NCOA2: variants seen among roughly 807,000 people sequenced by gnomAD.
The protein encoded by NCOA2 is class E basic helix-loop-helix protein 75.
NCOA2 carries 21 observed loss-of-function variants against 145.1 expected under a neutral mutation model. The observed-to-expected ratio is 0.14, with a 90% confidence interval of 0.10 to 0.21. The LOEUF (loss-of-function observed/expected upper bound fraction) is 0.21. Among genes scored for constraint, NCOA2 ranks in the 10% least tolerant of loss-of-function variants. NCOA2 has a pLI of 1.00. For synonymous variants in NCOA2, 619 were observed against 637.5 expected (o/e 0.97, Z 0.44); for missense variants, 1,472 against 1,837.6 (o/e 0.80, Z 3.64).
chr8:70,306,738 G>C lies in NCOA2; in HGVS notation c.-76-9938C>G, dbSNP rs143688800. The stretch of plus-strand genomic sequence containing the variant: ...TACAAAAAATACAAAAATTAGCCAG[G>C]TGTGGTGGCGCGTGCCTGCAGTCCC... On this transcript the variant is annotated intron_variant, in intron 1 of 22. Transcript: ENST00000452400. Among the ~76,000 whole-genome samples, 1,373 of 152,206 alleles carry C rather than the reference G, an allele frequency of 9.0e-3. 7 individuals are homozygous for C. Among genetic ancestry groups the C allele is most frequent in the Non-Finnish European group, 0.015 (1,050 of 67,974 alleles).
chr8:70,366,734 A>C (rs2131153490), intron 1 of NCOA2, among the ~76,000 whole-genome samples: 1 of 145,068 alleles, frequency 6.9e-6, no homozygotes, highest in East Asian at 2.2e-4. Flanking sequence ...TTAAGCAGCC[A>C]TTGGCTTTAA....
chr8:70,355,892 ATACTTC>A (rs1809642991), intron 1 of NCOA2, among the ~76,000 whole-genome samples: 1 of 152,216 alleles, frequency 6.6e-6, no homozygotes, highest in South Asian at 2.1e-4. Context: ...TCATTTTCTC[ATACTTC>A]TACTTATATA....
chr8:70,273,456 A>T (rs1013527601), intron 2 of NCOA2: 1 of 634,816 alleles, frequency 1.6e-6, no homozygotes, highest in Admixed American at 2.5e-5. Flanking sequence ...CACAGAAAGA[A>T]GGTGGTTCAC....
chr8:70,355,311 G>C (rs1809583038), intron 1 of NCOA2, among the ~76,000 whole-genome samples: 1 of 152,198 alleles, frequency 6.6e-6, no homozygotes, highest in Non-Finnish European at 1.5e-5. Flanking sequence ...AGGAAGCACA[G>C]TTACGAGTCC....
chr8:70,215,465 G>A (rs915136932), intron 3 of NCOA2, among the ~76,000 whole-genome samples: 1 of 152,156 alleles, frequency 6.6e-6, no homozygotes, highest in African/African-American at 2.4e-5. Flanking sequence ...GGAAGTAGTA[G>A]GGAACCTAGA....
chr8:70,398,725 AAC>A (rs1325407305), intron 1 of NCOA2, among the ~76,000 whole-genome samples: 5 of 152,316 alleles, frequency 3.3e-5, no homozygotes, highest in Admixed American at 6.5e-5. Flanking sequence ...AGCTATGTAA[AAC>A]ACCACCATAG....
chr8:70,140,550 C>T (rs1395043444), intron 14 of NCOA2, among the ~76,000 whole-genome samples: 16 of 145,928 alleles, frequency 1.1e-4, no homozygotes, highest in African/African-American at 4.1e-4. Flanking sequence ...TGATATTGTT[C>T]TGATGATCAC....
At chr8:70,147,125 C>CATGT (rs1554573873) in intron 12 of NCOA2, among the ~76,000 whole-genome samples, 9 of 145,324 alleles carry the variant, frequency 6.2e-5, no homozygotes, top group African/African-American at 2.4e-4. Context: ...CGCGCGCGCG[C>CATGT]GCGTGTGTGT....
chr8:70,214,303 G>A (rs4738077), intron 3 of NCOA2, among the ~76,000 whole-genome samples: 91,000 of 152,000 alleles, frequency 0.6, 29,007 homozygotes, highest in Non-Finnish European at 0.72. Context: ...TGTGTTTGGC[G>A]TCTCCCACTG....
chr8:70,405,327 G>T (rs925458749), upstream of NCOA2, among the ~76,000 whole-genome samples: 1 of 151,718 alleles, frequency 6.6e-6, no homozygotes, highest in Non-Finnish European at 1.5e-5. Context: ...AAATGTTAGC[G>T]CTGGGGAGTG....
chr8:70,340,930 G>C (rs979714766), intron 1 of NCOA2, among the ~76,000 whole-genome samples: 1 of 152,054 alleles, frequency 6.6e-6, no homozygotes, highest in African/African-American at 2.4e-5. Flanking sequence ...GGCCTGTTGG[G>C]GGTAGCAGGG....
chr8:70,191,638 G>C (rs1407245049), intron 4 of NCOA2, among the ~76,000 whole-genome samples: 2 of 152,196 alleles, frequency 1.3e-5, no homozygotes, highest in African/African-American at 2.4e-5. Context: ...AAGAGAGAGG[G>C]AGGGAGAGGG....
chr8:70,386,594 GC>G (rs1812690748), intron 1 of NCOA2, among the ~76,000 whole-genome samples: 1 of 152,084 alleles, frequency 6.6e-6, no homozygotes, highest in East Asian at 1.9e-4. Context: ...ATAGAGAGGG[GC>G]CATACTTTTT....
rs181542307 is a variant in NCOA2, at chr8:70,115,912, C to T, written c.4384-2269G>A. ...ATTAAAAATGGATGACAGGGCCAGG[C>T]GCAGTGGCTCACACCTGTAATCCCA... On this transcript the variant is annotated intron_variant, in intron 22 of 22. Transcript: ENST00000452400. Among the ~76,000 whole-genome samples the T allele has an allele frequency of 6.2e-3, 920 of 149,460 alleles. 9 individuals carry two copies. Among genetic ancestry groups the T allele is most frequent in the Middle Eastern group, 0.031 (9 of 294 alleles).
intron 1 of NCOA2, among the ~76,000 whole-genome samples, chr8:70,329,954 C>T (rs1407829034): frequency 6.6e-6 from 1 of 152,132 alleles, no homozygotes; most frequent in African/African-American, 2.4e-5. Flanking sequence ...TGGAAAAGAG[C>T]ACAGGAGAGG....
chr8:70,283,327 G>A (rs1040832496), intron 2 of NCOA2, among the ~76,000 whole-genome samples: 14 of 152,088 alleles, frequency 9.2e-5, no homozygotes, highest in African/African-American at 3.1e-4. Context: ...ATGTGTATTC[G>A]TAATACCAAA....
At chr8:70,301,679 A>AAAAAAAAAAAAAAT in intron 1 of NCOA2, among the ~76,000 whole-genome samples, 1 of 148,970 alleles carries the variant, frequency 6.7e-6, no homozygotes, top group Non-Finnish European at 1.5e-5. Context: ...AAAAAAAAAA[A>AAAAAAAAAAAAAAT]AGAAAGATAT....
At chr8:70,424,052 G>A in the NCOA2 span, 3 of 157,914 alleles carry the variant, frequency 1.9e-5, no homozygotes, top group Non-Finnish European at 2.8e-5. Flanking sequence ...GTTTAGAGCA[G>A]GGAGCAGCAA....
At chr8:70,229,550 G>T (rs1365730422) in intron 2 of NCOA2, among the ~76,000 whole-genome samples, 1 of 152,172 alleles carries the variant, frequency 6.6e-6, no homozygotes, top group Non-Finnish European at 1.5e-5. Flanking sequence ...TGCTAGAGTT[G>T]TTGTGGGGAG....
Sources: allele counts gnomAD v4.1 joint callset (sites outside exome capture counted in the v4.1 genomes callset), GRCh38; gene constraint gnomAD v4.1.1; transcripts MANE v1.5; gene names NCBI Gene and HGNC (gene_info 2026-07-23, HGNC 2026-07-21).